HSPA12A: variants seen among roughly 807,000 people sequenced by gnomAD.
HSPA12A encodes heat shock protein family A (Hsp70) member 12A, also known as heat shock 70 kDa protein 12A.
HSPA12A carries 28 observed loss-of-function variants against 69.2 expected under a neutral mutation model. The ratio of observed to expected loss-of-function variants is 0.40; its 90% CI spans 0.30 to 0.55. The LOEUF is 0.55. Ranked by LOEUF, HSPA12A falls within the 20% of genes least tolerant of loss-of-function variation. The pLI is 0.38. For missense variants in HSPA12A, 686 were observed against 900.7 expected, an observed-to-expected ratio of 0.76 and a Z score of 3.05; for synonymous variants, 345 against 370.5, an observed-to-expected ratio of 0.93 and a Z score of 0.79.
chr10:116,744,314 G>A (rs1851599529), upstream of HSPA12A, among the ~76,000 whole-genome samples: 1 of 152,212 alleles, frequency 6.6e-6, no homozygotes, highest in African/African-American at 2.4e-5. Context: ...CCAACTCCAG[G>A]AAGGCTCCCC....
upstream of HSPA12A, among the ~76,000 whole-genome samples, chr10:116,746,384 A>C (rs1851649748): frequency 6.6e-6 from 1 of 152,228 alleles, no homozygotes; most frequent in African/African-American, 2.4e-5. Flanking sequence ...CCAGCTCAGA[A>C]GAAACTGAGG....
intron 1 of HSPA12A, among the ~76,000 whole-genome samples, chr10:116,722,244 C>G (rs1850804474): frequency 6.6e-6 from 1 of 152,200 alleles, no homozygotes; most frequent in Non-Finnish European, 1.5e-5. Context: ...GGGTGACTAG[C>G]CTGACTTCCA....
intron 4 of HSPA12A, among the ~76,000 whole-genome samples, chr10:116,699,277 C>G (rs894130999): frequency 2.6e-5 from 4 of 152,140 alleles, no homozygotes; most frequent in African/African-American, 9.7e-5. Flanking sequence ...CGCCAGGAGC[C>G]CAGCATCACT....
At chr10:116,761,225 C>T (rs1843963618) in intron 2 of HSPA12A, among the ~76,000 whole-genome samples, 1 of 152,106 alleles carries the variant, frequency 6.6e-6, no homozygotes, top group Non-Finnish European at 1.5e-5. Context: ...GTGGCTCATG[C>T]CTGTAATCCC....
intron 2 of HSPA12A, among the ~76,000 whole-genome samples, chr10:116,775,795 C>A (rs1259670983): frequency 2.0e-5 from 3 of 152,154 alleles, no homozygotes; most frequent in African/African-American, 4.8e-5. Context: ...GAGACAGTGA[C>A]CTGGCCTAAT....
chr10:116,734,742 C>G (rs1851262460), intron 1 of HSPA12A, among the ~76,000 whole-genome samples: 2 of 150,108 alleles, frequency 1.3e-5, no homozygotes, highest in African/African-American at 4.9e-5. Flanking sequence ...GCCTGTAATC[C>G]CAGCACTTTG....
intron 2 of HSPA12A, chr10:116,832,311 G>A (rs1456515146): frequency 6.6e-6 from 1 of 152,180 alleles, no homozygotes; most frequent in African/African-American, 2.4e-5. Flanking sequence ...GGGACTACAA[G>A]CACGTGCCAC....
chr10:116,787,017 C>T (rs1023533666), intron 2 of HSPA12A, among the ~76,000 whole-genome samples: 19 of 149,494 alleles, frequency 1.3e-4, no homozygotes, highest in Non-Finnish European at 2.4e-4. Flanking sequence ...CATACACACA[C>T]GCACGCACTC....
intron 1 of HSPA12A, among the ~76,000 whole-genome samples, chr10:116,835,467 G>T (rs573866106): frequency 6.6e-6 from 1 of 152,156 alleles, no homozygotes; most frequent in South Asian, 2.1e-4. Flanking sequence ...ATTTGACAGA[G>T]CCAATGTACC....
intron 1 of HSPA12A, among the ~76,000 whole-genome samples, chr10:116,719,511 CTGT>C (rs1850709804): frequency 1.3e-5 from 2 of 152,222 alleles, no homozygotes; most frequent in Non-Finnish European, 2.9e-5. Context: ...TTTCCCTTCT[CTGT>C]AAACAAGACA....
At chr10:116,746,808 T>C (rs782524465), upstream of HSPA12A, among the ~76,000 whole-genome samples, 44 of 152,252 alleles carry the variant, frequency 2.9e-4, no homozygotes, top group Non-Finnish European at 5.7e-4. Flanking sequence ...AGTAGCTTTT[T>C]CCATTTTAAT....
In HSPA12A at chr10:116,681,245, C is replaced by T. The variant is rs1554878559; in HGVS notation, c.934G>A (p.Val312Met). The T allele has an allele frequency of 6.2e-7, 1 of 1,613,978 alleles. No individual in the cohort carries two copies. Among genetic ancestry groups the T allele is most frequent in the Admixed American group, 1.7e-5 (1 of 60,034 alleles). The change falls in exon 9 of 12, where the codon GTG (valine) becomes ATG (methionine). Residue 312 changes from valine (V) to methionine (M), a missense_variant. Coordinates refer to ENST00000369209, the MANE Select transcript of HSPA12A (RefSeq NM_025015.3). ...WSELEEGDKY[V>M]VVDSGGGTVD... is the part of the protein sequence containing the mutation. Reference sequence around the variant, plus strand: ...GTGCCACCGCCACTGTCCACAACCACATACTTATCACCTGGCACAAAAACA... The same window carrying T: ...GTGCCACCGCCACTGTCCACAACCATATACTTATCACCTGGCACAAAAACA...
Position 116,675,040 on chromosome 10 carries a change from G to A in HSPA12A, c.1769C>T (p.Pro590Leu), listed in dbSNP as rs781953547. The A allele has an allele frequency of 3.1e-6, 5 of 1,614,028 alleles. No individual in the cohort carries two copies. In the South Asian group the frequency reaches 3.3e-5, roughly 11 times the overall value. Residue 590 changes from proline to leucine, a missense_variant, in exon 12 of 12, where the codon CCG becomes CTG. Transcript: ENST00000369209. This position sits in a 1 kb window ranked among gnomAD's most constrained non-coding sequence, Gnocchi z 5.2. ...LGELVKRSYT[P>L]AKPSQLVIVI... ...AATGACCAGCTGGGAGGGCTTGGCC[G>A]GGGTGTAGCTACGCTTGACCAGCTC... is the stretch of plus-strand genomic sequence containing the variant.
intron 2 of HSPA12A, among the ~76,000 whole-genome samples, chr10:116,794,169 C>T (rs1311129750): frequency 6.6e-6 from 1 of 152,022 alleles, no homozygotes; most frequent in African/African-American, 2.4e-5. Context: ...CGCGCCACTG[C>T]ACTCCAGTGA....
At chr10:116,797,521 G>A (rs554057784) in intron 2 of HSPA12A, among the ~76,000 whole-genome samples, 1 of 152,290 alleles carries the variant, frequency 6.6e-6, no homozygotes, top group South Asian at 2.1e-4. Flanking sequence ...TGTTGGCTCA[G>A]GTCACCCAGC....
At chr10:116,786,500 A>T (rs967840876) in intron 2 of HSPA12A, among the ~76,000 whole-genome samples, 1 of 152,180 alleles carries the variant, frequency 6.6e-6, no homozygotes, top group Non-Finnish European at 1.5e-5. Flanking sequence ...TGATCTAAGA[A>T]ATGTCTAAAG....
intron 2 of HSPA12A, among the ~76,000 whole-genome samples, chr10:116,753,658 A>C (rs1843757020): frequency 6.6e-6 from 1 of 151,186 alleles, no homozygotes. Flanking sequence ...TATGGCACCC[A>C]CCTCCCAGAG....
At chr10:116,773,862 C>T (rs957438003) in intron 2 of HSPA12A, among the ~76,000 whole-genome samples, 9 of 152,130 alleles carry the variant, frequency 5.9e-5, no homozygotes, top group Admixed American at 1.3e-4. Flanking sequence ...ATCATGGTGA[C>T]GGGGTGGAGG....
chr10:116,760,947 G>A (rs1043636402), intron 2 of HSPA12A, among the ~76,000 whole-genome samples: 15 of 152,046 alleles, frequency 9.9e-5, no homozygotes, highest in African/African-American at 1.2e-4. Context: ...GCAAATATGC[G>A]CTCAACTAGA....
Sources: allele counts gnomAD v4.1 joint callset (sites outside exome capture counted in the v4.1 genomes callset), GRCh38; gene constraint gnomAD v4.1.1; non-coding constraint Gnocchi (gnomAD v3.1); transcripts MANE v1.5; gene names NCBI Gene and HGNC (gene_info 2026-07-23, HGNC 2026-07-21).